DUSP19: variants seen among roughly 807,000 people sequenced by gnomAD.
DUSP19 encodes the protein dual specificity protein phosphatase 19.
A neutral mutation model predicts 16.6 loss-of-function variants in DUSP19; 14 were observed. The ratio of observed to expected loss-of-function variants is 0.84; its 90% CI spans 0.56 to 1.32. The LOEUF is 1.32. Ranked by LOEUF, DUSP19 falls within the 40% of genes most tolerant of loss-of-function variation. The probability of loss-of-function intolerance (pLI) is 0.00; values close to 1 mark genes in which losing one functional copy is unlikely to be tolerated. For missense variants in DUSP19, 258 were observed against 255.9 expected (o/e 1.01, Z -0.06); for synonymous variants, 81 against 90.5 (o/e 0.90, Z 0.59).
At chr2:183,088,081 G>A (rs1699684465) in intron 3 of DUSP19, among the ~76,000 whole-genome samples, 1 of 152,190 alleles carries the variant, frequency 6.6e-6, no homozygotes, top group East Asian at 1.9e-4. Context: ...CTGCATATAT[G>A]ATGGTGGTTC....
intron 3 of DUSP19, among the ~76,000 whole-genome samples, chr2:183,088,342 G>A (rs541256195): frequency 6.6e-5 from 10 of 151,130 alleles, no homozygotes; most frequent in Non-Finnish European, 1.3e-4. Context: ...AATGATGCAC[G>A]ACTGTATTTG....
At position 183,083,504 on chromosome 2, in the gene DUSP19, C is replaced by T; in HGVS notation, c.227-4C>T. On this transcript the variant is annotated splice_region_variant and splice_polypyrimidine_tract_variant and intron_variant, in intron 1 of 3. Transcript: ENST00000354221. ...TTCAAGGTGGTATCATTTATTTCTT[C>T]TAGGGTCACAAGATGCTGCTCATGA... 6.2e-7 allele frequency: 1 copy of T among 1,607,902 alleles called. No homozygotes were observed. The highest frequency in any genetic ancestry group is 8.5e-7 in the Non-Finnish European group (1 of 1,177,214).
intron 1 of DUSP19, among the ~76,000 whole-genome samples, chr2:183,082,977 C>T (rs1320974097): frequency 6.6e-6 from 1 of 151,834 alleles, no homozygotes; most frequent in African/African-American, 2.4e-5. Flanking sequence ...CCATAGCTTA[C>T]TGTAACCCCG....
At chr2:183,084,758 G>A (rs1237792760) in intron 2 of DUSP19, among the ~76,000 whole-genome samples, 1 of 152,168 alleles carries the variant, frequency 6.6e-6, no homozygotes, top group African/African-American at 2.4e-5. Context: ...CGATTGGAGG[G>A]TTGCTCAAGT....
At chr2:183,081,036 T>G (rs1699586467) in intron 1 of DUSP19, among the ~76,000 whole-genome samples, 1 of 152,166 alleles carries the variant, frequency 6.6e-6, no homozygotes, top group Non-Finnish European at 1.5e-5. Context: ...CCTCCCAGCA[T>G]CGCATGCCAA....
intron 1 of DUSP19, 159 bp from the exon 2 acceptor site, chr2:183,083,349 G>T: frequency 1.7e-6 from 1 of 593,856 alleles, no homozygotes; most frequent in Non-Finnish European, 2.9e-6. Flanking sequence ...AGGAGTTTAT[G>T]TAGGATGACT....
At chr2:183,081,033 G>A (rs550744024) in intron 1 of DUSP19, among the ~76,000 whole-genome samples, 8 of 152,296 alleles carry the variant, frequency 5.3e-5, no homozygotes, top group African/African-American at 1.9e-4. Flanking sequence ...CTTCCTCCCA[G>A]CATCGCATGC....
intron 1 of DUSP19, 84 bp downstream of exon 1, chr2:183,079,243 T>G: frequency 7.7e-7 from 1 of 1,295,312 alleles, no homozygotes; most frequent in Non-Finnish European, 1.1e-6. Flanking sequence ...CGTAATAGTC[T>G]GTATTATCAG....
intron 3 of DUSP19, among the ~76,000 whole-genome samples, chr2:183,090,813 A>G (rs78321522): frequency 6.6e-6 from 1 of 152,164 alleles, no homozygotes; most frequent in African/African-American, 2.4e-5. Context: ...GCAGCAAAAA[A>G]TAGAAGACTT....
Position 183,087,137 on chromosome 2 carries a change from A to C in DUSP19, c.371A>C (p.Asn124Thr). ...SISILDLPET[N>T]ILSYFPECFE... ...TCTATATTGGATCTGCCTGAAACCA[A>C]CATCCTGTCTTATTTTCCAGAATGT... is the stretch of plus-strand genomic sequence containing the variant. Residue 124 changes from asparagine to threonine, a missense_variant, in exon 3 of 4, where the codon AAC (asparagine) becomes ACC (threonine). By Grantham distance (65) the Asn-to-Thr change is moderately conservative. Coordinates refer to ENST00000354221, the MANE Select transcript of DUSP19 (RefSeq NM_080876.4). 6.2e-7 allele frequency: 1 copy of C among 1,613,462 alleles called. No individual in the cohort carries two copies. The highest frequency in any genetic ancestry group is 8.5e-7 in the Non-Finnish European group (1 of 1,179,898).
At chr2:183,084,036 G>C (rs916803023) in intron 2 of DUSP19, among the ~76,000 whole-genome samples, 1 of 152,176 alleles carries the variant, frequency 6.6e-6, no homozygotes, top group African/African-American at 2.4e-5. Context: ...TGGAATTGCT[G>C]TAGGTGAAGG....
intron 2 of DUSP19, among the ~76,000 whole-genome samples, chr2:183,086,572 G>C (rs917481428): frequency 6.6e-6 from 1 of 150,678 alleles, no homozygotes; most frequent in Non-Finnish European, 1.5e-5. Context: ...TGTGGGAGGC[G>C]GAAGTGGGAG....
In DUSP19 at chr2:183,095,727, T is replaced by C; in HGVS notation, c.*69T>C. On this transcript the variant is annotated 3_prime_UTR_variant, in exon 4 of 4. Transcript: ENST00000354221. ...ACTTCTATAGCCATCTTTTCCCTTT[T>C]TTGGAGAGTAGACTAGCAAAACTCC... 7.7e-7 allele frequency: 1 copy of C among 1,297,354 alleles called. No homozygotes were observed. The highest frequency in any genetic ancestry group is 1.1e-6 in the Non-Finnish European group (1 of 933,850). The allele number at this position is 1,297,354 out of a possible 1,614,324, so 80.4% of individuals were successfully genotyped here.
chr2:183,079,270 C>G (rs1310822240), intron 1 of DUSP19, 111 bp downstream of exon 1: 3 of 1,100,226 alleles, frequency 2.7e-6, no homozygotes, highest in South Asian at 1.6e-5. Flanking sequence ...TGCCGAAAAG[C>G]TGAACTGTTT....
chr2:183,094,231 A>G (rs1294758179), intron 3 of DUSP19, among the ~76,000 whole-genome samples: 1 of 152,222 alleles, frequency 6.6e-6, no homozygotes, highest in African/African-American at 2.4e-5. Flanking sequence ...CAAATTTGTT[A>G]CAGCAGATCA....
At chr2:183,080,633 T>C (rs1049341984) in intron 1 of DUSP19, among the ~76,000 whole-genome samples, 7 of 152,218 alleles carry the variant, frequency 4.6e-5, no homozygotes, top group African/African-American at 1.4e-4. Flanking sequence ...CATTCACCAA[T>C]TTAGGGTCTT....
chr2:183,095,400 T>C, intron 3 of DUSP19, 31 bp from the exon 4 acceptor site: 1 of 1,549,420 alleles, frequency 6.5e-7, no homozygotes, highest in Non-Finnish European at 8.7e-7. Context: ...AAATGAATAA[T>C]GAAGATTTTT....
At chr2:183,094,871 T>C (rs1176032861) in intron 3 of DUSP19, among the ~76,000 whole-genome samples, 1 of 152,218 alleles carries the variant, frequency 6.6e-6, no homozygotes, top group Non-Finnish European at 1.5e-5. Flanking sequence ...AAGTATACTC[T>C]GGAGTATTTC....
At chr2:183,091,629 C>T (rs545786735) in intron 3 of DUSP19, among the ~76,000 whole-genome samples, 15 of 152,314 alleles carry the variant, frequency 9.8e-5, no homozygotes, top group Middle Eastern at 3.4e-3. Flanking sequence ...TTGCAAAAAG[C>T]AACCAGTGAG....
Sources: gnomAD v4.1 joint callset for allele counts (sites outside exome capture counted in the v4.1 genomes callset) on GRCh38, gnomAD v4.1.1 for gene constraint, MANE v1.5 for transcripts, NCBI Gene and HGNC (gene_info 2026-07-23, HGNC 2026-07-21) for gene names.